HYCC2: variants seen among roughly 807,000 people sequenced by gnomAD.
HYCC2 encodes the protein hyccin 2.
the HYCC2 span, chr2:200,979,070 A>G: frequency 6.6e-6 from 1 of 151,580 alleles, no homozygotes; most frequent in Non-Finnish European, 1.5e-5. Flanking sequence ...TTTAGATCTC[A>G]CTTTCTAGGT....
chr2:201,011,266 A>G, the HYCC2 span: 1 of 534,444 alleles, frequency 1.9e-6, no homozygotes, highest in South Asian at 3.2e-5. Context: ...CTAATAACAA[A>G]CATCCACTTT....
At chr2:201,008,775 G>C in the HYCC2 span, among the ~76,000 whole-genome samples, 1 of 152,148 alleles carries the variant, frequency 6.6e-6, no homozygotes, top group Non-Finnish European at 1.5e-5. Context: ...GTGTACACCT[G>C]TAGTCCTAGC....
chr2:200,987,142 C>G, the HYCC2 span, among the ~76,000 whole-genome samples: 1 of 152,172 alleles, frequency 6.6e-6, no homozygotes, highest in Admixed American at 6.5e-5. Context: ...CTTGATTACA[C>G]AGGGATGCAG....
At chr2:201,043,744 G>A in the HYCC2 span, among the ~76,000 whole-genome samples, 7 of 151,864 alleles carry the variant, frequency 4.6e-5, no homozygotes, top group South Asian at 2.1e-4. Flanking sequence ...TCCTGACCTC[G>A]TGATCCACCC....
chr2:201,012,067 C>CT, the HYCC2 span, among the ~76,000 whole-genome samples: 10 of 150,914 alleles, frequency 6.6e-5, no homozygotes, highest in Non-Finnish European at 1.2e-4. Context: ...ATAGTTATCC[C>CT]TTTTTTTTTA....
chr2:201,057,261 G>C, the HYCC2 span, among the ~76,000 whole-genome samples: 1 of 152,200 alleles, frequency 6.6e-6, no homozygotes, highest in Non-Finnish European at 1.5e-5. Flanking sequence ...GAACAAGGGA[G>C]GACTATATTT....
chr2:200,993,315 C>G, the HYCC2 span, among the ~76,000 whole-genome samples: 2 of 152,168 alleles, frequency 1.3e-5, no homozygotes, highest in Non-Finnish European at 2.9e-5. Context: ...CACATACACA[C>G]AAAAATGTCT....
chr2:201,008,786 T>A, the HYCC2 span, among the ~76,000 whole-genome samples: 1 of 152,112 alleles, frequency 6.6e-6, no homozygotes, highest in Non-Finnish European at 1.5e-5. Context: ...TAGTCCTAGC[T>A]ACTTGGAAAG....
the HYCC2 span, chr2:200,980,666 A>G: frequency 6.5e-6 from 1 of 153,816 alleles, no homozygotes; most frequent in African/African-American, 2.4e-5. Context: ...TCTTCGGGAT[A>G]AAGGAGATGG....
chr2:201,035,461 T>C, the HYCC2 span, among the ~76,000 whole-genome samples: 7 of 152,214 alleles, frequency 4.6e-5, no homozygotes, highest in South Asian at 1.4e-3. Context: ...ATCAGGTCCT[T>C]TAAGGACTTC....
chr2:201,008,926 T>A, the HYCC2 span: 5 of 1,067,938 alleles, frequency 4.7e-6, no homozygotes, highest in Non-Finnish European at 7.3e-6. Flanking sequence ...TATATATTCA[T>A]GCATACATAC....
the HYCC2 span, among the ~76,000 whole-genome samples, chr2:200,991,724 G>A: frequency 3.3e-4 from 50 of 151,094 alleles, no homozygotes; most frequent in South Asian, 6.5e-3. Flanking sequence ...GGCAGAGAGA[G>A]ACTTCGTATC....
the HYCC2 span, among the ~76,000 whole-genome samples, chr2:201,027,003 C>T: frequency 6.6e-6 from 1 of 152,044 alleles, no homozygotes; most frequent in African/African-American, 2.4e-5. Context: ...AAAAACCCTT[C>T]AAAAAATCCA....
At chr2:201,064,777 T>A in the HYCC2 span, among the ~76,000 whole-genome samples, 1 of 152,232 alleles carries the variant, frequency 6.6e-6, no homozygotes, top group Non-Finnish European at 1.5e-5. Context: ...CTTCTGTGTA[T>A]CTGCTCATTT....
the HYCC2 span, chr2:201,022,443 G>T: frequency 4.4e-6 from 1 of 227,908 alleles, no homozygotes. Context: ...ATTATACCTA[G>T]TTATATATTA....
chr2:201,067,758 T>A, the HYCC2 span, among the ~76,000 whole-genome samples: 1 of 152,242 alleles, frequency 6.6e-6, no homozygotes, highest in Admixed American at 6.5e-5. Flanking sequence ...GACCTTGAAT[T>A]ACTCCAACTC....
the HYCC2 span, among the ~76,000 whole-genome samples, chr2:201,030,676 T>G: frequency 6.6e-6 from 1 of 151,888 alleles, no homozygotes; most frequent in Non-Finnish European, 1.5e-5. Flanking sequence ...CCTCCTGGGT[T>G]CAAGTGATTC....
At chr2:201,063,076 T>C in the HYCC2 span, 1 of 1,608,752 alleles carries the variant, frequency 6.2e-7, no homozygotes, top group South Asian at 1.1e-5. Context: ...AAGTCTCTCT[T>C]CACCCTGCCG....
At chr2:200,987,141 A>G in the HYCC2 span, among the ~76,000 whole-genome samples, 11 of 152,172 alleles carry the variant, frequency 7.2e-5, no homozygotes, top group Admixed American at 5.9e-4. Flanking sequence ...CCTTGATTAC[A>G]CAGGGATGCA....
Sources: gnomAD v4.1 joint callset for allele counts (sites outside exome capture counted in the v4.1 genomes callset) on GRCh38, gnomAD v4.1.1 for gene constraint, MANE v1.5 for transcripts, NCBI Gene and HGNC (gene_info 2026-07-23, HGNC 2026-07-21) for gene names.